LCORL: variants seen among roughly 807,000 people sequenced by gnomAD.
The protein encoded by LCORL is ligand-dependent nuclear receptor corepressor-like protein.
A neutral mutation model predicts 141.8 loss-of-function variants in LCORL; 41 were observed. That is an observed-to-expected ratio of 0.29 (90% CI 0.23 to 0.38). LCORL has a LOEUF of 0.38. Among genes scored for constraint, LCORL ranks in the 10% least tolerant of loss-of-function variants. LCORL has a pLI of 1.00. For synonymous variants in LCORL, 618 were observed against 694.1 expected (o/e 0.89, Z 1.72); for missense variants, 1,759 against 2,035.0 (o/e 0.86, Z 2.61).
chr4:17,882,113 T>C (rs935347086), intron 6 of LCORL: 2 of 984,436 alleles, frequency 2.0e-6, no homozygotes, highest in Non-Finnish European at 2.4e-6. Context: ...TCTTTAAACA[T>C]GTAAGCAGTT....
At chr4:17,925,309 A>G (rs1354668203) in intron 4 of LCORL, among the ~76,000 whole-genome samples, 1 of 152,190 alleles carries the variant, frequency 6.6e-6, no homozygotes, top group Non-Finnish European at 1.5e-5. Context: ...CCCTTAAGAC[A>G]TCTCTTAGTA....
chr4:17,866,741 T>TA (rs1416895239), intron 7 of LCORL, among the ~76,000 whole-genome samples: 2 of 152,112 alleles, frequency 1.3e-5, no homozygotes, highest in African/African-American at 2.4e-5. Flanking sequence ...GGCTTAACGT[T>TA]ACGATAATCA....
Position 17,901,665 on chromosome 4 carries a change from A to G in LCORL, c.682+7429T>C, listed in dbSNP as rs538632342. 4.6e-5 allele frequency among the ~76,000 whole-genome samples: 7 copies of G among 152,272 alleles called. No homozygotes were observed. In the South Asian group the frequency reaches 8.3e-4, roughly 18 times the overall value. On this transcript the variant is annotated intron_variant, in intron 5 of 7. Coordinates refer to ENST00000635767, the Ensembl canonical transcript of LCORL. ...TGACTCTAAATTTTTTATATTAACTATACCTTTAAAACCTTCTAAGGTAAC... is the reference window on the plus strand; with the variant it reads ...TGACTCTAAATTTTTTATATTAACTGTACCTTTAAAACCTTCTAAGGTAAC...
intron 7 of LCORL, among the ~76,000 whole-genome samples, chr4:17,872,274 T>G (rs1441781736): frequency 6.6e-6 from 1 of 152,110 alleles, no homozygotes; most frequent in Non-Finnish European, 1.5e-5. Context: ...ATGGCTACAC[T>G]GGCAACTATA....
intron 1 of LCORL, among the ~76,000 whole-genome samples, chr4:18,010,008 T>A (rs1359735782): frequency 6.6e-6 from 1 of 152,050 alleles, no homozygotes; most frequent in East Asian, 1.9e-4. Flanking sequence ...GAAGAAGACA[T>A]TGAAGAACAA....
chr4:17,892,184 C>A (rs1197264798), intron 5 of LCORL, among the ~76,000 whole-genome samples: 1 of 150,378 alleles, frequency 6.6e-6, no homozygotes, highest in Non-Finnish European at 1.5e-5. Flanking sequence ...CCTACCTCTG[C>A]AAGTCAAATA....
intron 4 of LCORL, among the ~76,000 whole-genome samples, chr4:17,941,220 C>G (rs1260742218): frequency 2.0e-5 from 3 of 152,064 alleles, no homozygotes; most frequent in Non-Finnish European, 4.4e-5. Context: ...ACTAAAAATA[C>G]AAAAAATGAG....
chr4:18,007,850 T>C (rs2109856864), intron 1 of LCORL, among the ~76,000 whole-genome samples: 1 of 152,250 alleles, frequency 6.6e-6, no homozygotes. Flanking sequence ...TAATATGTAC[T>C]CATAGGCAAA....
intron 4 of LCORL, among the ~76,000 whole-genome samples, chr4:17,937,941 G>C (rs914991856): frequency 1.3e-5 from 2 of 151,224 alleles, no homozygotes; most frequent in Middle Eastern, 3.4e-3. Context: ...TTCAAATTAG[G>C]TTACATATTT....
chr4:17,974,618 T>C (rs1337568270), intron 1 of LCORL, among the ~76,000 whole-genome samples: 5 of 152,224 alleles, frequency 3.3e-5, no homozygotes, highest in Non-Finnish European at 5.9e-5. Flanking sequence ...ATGGTTTTAT[T>C]TGGTTTTGGT....
At chr4:17,914,590 T>G (rs943080081) in intron 4 of LCORL, among the ~76,000 whole-genome samples, 15 of 152,338 alleles carry the variant, frequency 9.8e-5, no homozygotes, top group African/African-American at 3.6e-4. Flanking sequence ...GCTTCTCAGC[T>G]GCTGACTGGT....
chr4:17,997,741 G>C (rs1223521362), intron 1 of LCORL, among the ~76,000 whole-genome samples: 1 of 151,718 alleles, frequency 6.6e-6, no homozygotes, highest in Admixed American at 6.6e-5. Context: ...GAAAAACTGG[G>C]AGAAAGAGGA....
At chr4:18,007,515 G>A (rs190664369) in intron 1 of LCORL, among the ~76,000 whole-genome samples, 27 of 151,932 alleles carry the variant, frequency 1.8e-4, no homozygotes, top group East Asian at 3.9e-4. Context: ...CGCATTTATC[G>A]TATTCTGTAG....
intron 5 of LCORL, among the ~76,000 whole-genome samples, chr4:17,907,562 C>T (rs1361584615): frequency 6.6e-6 from 1 of 152,138 alleles, no homozygotes; most frequent in Admixed American, 6.5e-5. Context: ...AAAAAAAATT[C>T]TAAAAATCCT....
At chr4:17,987,796 G>A (rs1719255471) in intron 1 of LCORL, among the ~76,000 whole-genome samples, 2 of 152,192 alleles carry the variant, frequency 1.3e-5, no homozygotes, top group Admixed American at 1.3e-4. Flanking sequence ...TTGGTGAAAT[G>A]TCTATTCAAA....
chr4:17,853,965 T>C (rs888472169), intron 7 of LCORL, among the ~76,000 whole-genome samples: 4 of 152,124 alleles, frequency 2.6e-5, no homozygotes, highest in Non-Finnish European at 5.9e-5. Context: ...AAAGTATTCA[T>C]AAATTACCAG....
chr4:17,972,770 G>A, intron 2 of LCORL, 50 bp downstream of exon 2: 1 of 896,536 alleles, frequency 1.1e-6, no homozygotes, highest in Admixed American at 3.6e-5. Flanking sequence ...TTTTTCATTT[G>A]TTAAATAGGA....
intron 4 of LCORL, among the ~76,000 whole-genome samples, chr4:17,940,120 A>G (rs960957512): frequency 3.0e-4 from 45 of 147,768 alleles, no homozygotes; most frequent in African/African-American, 9.8e-4. Flanking sequence ...GTGTGTGTAT[A>G]TATATATGTA....
intron 4 of LCORL, among the ~76,000 whole-genome samples, chr4:17,913,576 AAG>A (rs1732907919): frequency 6.6e-6 from 1 of 152,170 alleles, no homozygotes; most frequent in South Asian, 2.1e-4. Flanking sequence ...TGTTTATTAT[AAG>A]AGTGTTCTGA....
Sources: allele counts gnomAD v4.1 joint callset (sites outside exome capture counted in the v4.1 genomes callset), GRCh38; gene constraint gnomAD v4.1.1; transcripts MANE v1.5; gene names NCBI Gene and HGNC (gene_info 2026-07-23, HGNC 2026-07-21).